The following SERPIND1 variants were observed in gnomAD, a reference collection of about 807,000 sequenced individuals.
The protein encoded by SERPIND1 is heparin cofactor 2.
Under a neutral mutation model 35.0 loss-of-function variants are expected in SERPIND1, and 34 were observed. The observed-to-expected ratio is 0.97, with a 90% CI of 0.74 to 1.29. The LOEUF is 1.29. Among genes scored for constraint, SERPIND1 ranks in the 50% most tolerant of loss-of-function variants. The pLI is 0.00. For synonymous variants in SERPIND1, 236 were observed against 241.1 expected (o/e 0.98, Z 0.19); for missense variants, 633 against 637.7 (o/e 0.99, Z 0.08).
rs966277331 is a variant in SERPIND1 at position 20,784,108 on chromosome 22, C to T, written c.1026C>T (p.Cys342=). ...FLAANDQELD[C]DILQLEYVGG... ...CAGCAAATGACCAGGAGCTGGACTG[C>T]GACATCCTCCAGCTGGAATACGTGG... The change falls in exon 3 of 5, where the codon TGC becomes TGT. Residue 342 remains cysteine (C), a synonymous_variant. Transcript: ENST00000215727. 2.5e-6 allele frequency: 4 copies of T among 1,614,122 alleles called. No individual in the cohort carries two copies. Among genetic ancestry groups the T allele is most frequent in the South Asian group, 1.1e-5 (1 of 91,076 alleles).
rs1934030829 is a variant in SERPIND1 at position 20,784,256 on chromosome 22, CTG to C, written c.1163+17_1163+18del. On this transcript the variant is annotated intron_variant, in intron 3 of 4. Transcript: ENST00000215727. Reference sequence around the variant, plus strand: ...AAGCATGACAAACAGGTATTTCACACTGTGTGTTTGTTCTTTTGAGCTCCCAG... The same window carrying C: ...AAGCATGACAAACAGGTATTTCACACTGTGTTTGTTCTTTTGAGCTCCCAG... 3.1e-6 allele frequency: 5 copies of C among 1,614,044 alleles called. No homozygotes were observed. The highest frequency in any genetic ancestry group is 1.7e-6 in the Non-Finnish European group (2 of 1,179,956).
At chr22:20,775,656 GCTTT>G (rs964052315) in intron 1 of SERPIND1, among the ~76,000 whole-genome samples, 3 of 151,806 alleles carry the variant, frequency 2.0e-5, no homozygotes, top group Admixed American at 1.3e-4. Flanking sequence ...TCTTCTTTTG[GCTTT>G]CTTTTTTAAA....
At chr22:20,785,419 TAA>T (rs1438997223) in intron 3 of SERPIND1, among the ~76,000 whole-genome samples, 2 of 152,140 alleles carry the variant, frequency 1.3e-5, no homozygotes, top group Non-Finnish European at 2.9e-5. Flanking sequence ...ATGAGCTAGG[TAA>T]AAGAGTGAAG....
Position 20,774,903 on chromosome 22 carries a change from G to A in SERPIND1, c.-17+758G>A, listed in dbSNP as rs572083670. On this transcript the variant is annotated intron_variant, in intron 1 of 4. Coordinates refer to ENST00000215727, the MANE Select transcript of SERPIND1 (RefSeq NM_000185.4). ...GTACGTACACACACACACAGATAAT[G>A]ACAGGGCAAAGGTTCCAAAATTTTA... 3.3e-5 allele frequency among the ~76,000 whole-genome samples: 5 copies of A among 152,226 alleles called. No individual in the cohort carries two copies. In the South Asian group the frequency reaches 8.3e-4, roughly 25 times the overall value.
At position 20,786,068 on chromosome 22, in the gene SERPIND1, A is replaced by C; in HGVS notation, c.1228A>C (p.Lys410Gln). 6.2e-7 allele frequency: 1 copy of C among 1,614,136 alleles called. No homozygotes were observed. Among genetic ancestry groups the C allele is most frequent in the South Asian group, 1.1e-5 (1 of 91,078 alleles). ...GAACTACAATCTAGTGGAGTCCCTG[A>C]AGTTGATGGGGATCAGGATGCTGTT... Reference protein sequence around the residue: ...EKNYNLVESLKLMGIRMLFDK... With the variant: ...EKNYNLVESLQLMGIRMLFDK... The change falls in exon 4 of 5, where the codon AAG (lysine) becomes CAG (glutamine). Residue 410 changes from lysine (K) to glutamine (Q), a missense_variant. Transcript: ENST00000215727.
chr22:20,775,117 G>A (rs1933162424), intron 1 of SERPIND1, among the ~76,000 whole-genome samples: 1 of 152,064 alleles, frequency 6.6e-6, no homozygotes, highest in Middle Eastern at 3.4e-3. Context: ...TTTATCAAGT[G>A]TTATGCTCTG....
Position 20,779,884 on chromosome 22 carries a change from G to A in SERPIND1, c.572G>A (p.Ser191Asn). 2 of 1,614,254 alleles carry A rather than the reference G, an allele frequency of 1.2e-6. No homozygotes were observed. The highest frequency in any genetic ancestry group is 1.7e-6 in the Non-Finnish European group (2 of 1,180,048). ...LHFKDFVNAS[S>N]KYEITTIHNL... ...TTTAAAGACTTTGTTAATGCCAGCA[G>A]CAAGTATGAAATCACGACCATTCAT... is the stretch of plus-strand genomic sequence containing the variant. The change falls in exon 2 of 5, where the codon AGC becomes AAC. Residue 191 changes from serine (S) to asparagine (N), a missense_variant. Physicochemically the swap from Ser to Asn is conservative, Grantham distance 46. Coordinates refer to ENST00000215727, the MANE Select transcript of SERPIND1 (RefSeq NM_000185.4).
chr22:20,781,375 A>G (rs2147491185), intron 2 of SERPIND1, among the ~76,000 whole-genome samples: 2 of 152,332 alleles, frequency 1.3e-5, no homozygotes, highest in South Asian at 4.1e-4. Context: ...TTTGCCACCA[A>G]GGACTACCAG....
chr22:20,786,280 T>A lies in SERPIND1; in HGVS notation c.1308+132T>A, dbSNP rs1007124134. On this transcript the variant is annotated intron_variant, in intron 4 of 4. Transcript: ENST00000215727. ...GGGGTGCTGAGTCTGCTCTTCGGCC[T>A]GGGTGGGATACACAGAATGCCTAGT... is the stretch of plus-strand genomic sequence containing the variant. The A allele has an allele frequency of 8.9e-6, 9 of 1,007,492 alleles. No homozygotes were observed. In the African/African-American group the frequency reaches 1.4e-4, roughly 16 times the overall value. The allele number at this position is 1,007,492 out of a possible 1,614,324, so 62.4% of individuals were successfully genotyped here.
intron 1 of SERPIND1, among the ~76,000 whole-genome samples, chr22:20,778,260 G>C (rs1002304670): frequency 2.6e-5 from 4 of 152,072 alleles, no homozygotes; most frequent in African/African-American, 4.8e-5. Context: ...CAGCACTTTG[G>C]GGGGCTGAGG....
chr22:20,784,189 C>G lies in SERPIND1; in HGVS notation c.1107C>G (p.Leu369=), dbSNP rs528589590. 1 of 1,614,136 alleles carries G rather than the reference C, an allele frequency of 6.2e-7. No individual in the cohort carries two copies. The highest frequency in any genetic ancestry group is 1.1e-5 in the South Asian group (1 of 91,088). Residue 369 remains leucine, a synonymous_variant, in exon 3 of 5, where the codon CTC becomes CTG. Coordinates refer to ENST00000215727, the MANE Select transcript of SERPIND1 (RefSeq NM_000185.4). ...VPHKMSGMKT[L]EAQLTPRVVE... ...ACAAGATGTCTGGGATGAAGACCCT[C>G]GAAGCGCAACTGACACCCCGGGTGG...
rs376934872 is a variant in SERPIND1 at position 20,784,150 on chromosome 22, A to G, written c.1068A>G (p.Leu356=). Residue 356 remains leucine, a synonymous_variant, in exon 3 of 5, where the codon CTA becomes CTG. Transcript: ENST00000215727. ...QLEYVGGISM[L]IVVPHKMSGM... is the part of the protein sequence containing the mutation. ...AATACGTGGGGGGCATCAGCATGCT[A>G]ATTGTGGTCCCACACAAGATGTCTG... is the stretch of plus-strand genomic sequence containing the variant. 2 of 1,614,148 alleles carry G rather than the reference A, an allele frequency of 1.2e-6. No individual in the cohort carries two copies. Among genetic ancestry groups the G allele is most frequent in the South Asian group, 1.1e-5 (1 of 91,086 alleles).
intron 1 of SERPIND1, among the ~76,000 whole-genome samples, chr22:20,778,327 C>G (rs1468760567): frequency 1.3e-5 from 2 of 151,970 alleles, no homozygotes; most frequent in South Asian, 2.1e-4. Context: ...AGAGCAAAAC[C>G]CCATCTCTAC....
chr22:20,777,878 AC>A (rs1933428892), intron 1 of SERPIND1, among the ~76,000 whole-genome samples: 2 of 152,200 alleles, frequency 1.3e-5, no homozygotes, highest in South Asian at 4.1e-4. Context: ...AGTCAGAGGA[AC>A]AAATAAAGAC....
chr22:20,776,005 A>G (rs1933241632), intron 1 of SERPIND1, among the ~76,000 whole-genome samples: 1 of 152,134 alleles, frequency 6.6e-6, no homozygotes, highest in African/African-American at 2.4e-5. Context: ...GCCCAGTTCT[A>G]TTTGCAGCTA....
chr22:20,779,832 C>T lies in SERPIND1; in HGVS notation c.520C>T (p.His174Tyr). 1.2e-6 allele frequency: 2 copies of T among 1,614,198 alleles called. No homozygotes were observed. Among genetic ancestry groups the T allele is most frequent in the Non-Finnish European group, 1.7e-6 (2 of 1,180,034 alleles). ...TTCCTTAGGTCTGAAGGGAGAGACC[C>T]ATGAACAAGTGCACTCGATTTTGCA... The part of the protein sequence containing the change: ...MISLGLKGET[H>Y]EQVHSILHFK... Residue 174 changes from histidine (H) to tyrosine (Y), a missense_variant, in exon 2 of 5, where the codon CAT (histidine) becomes TAT (tyrosine). By Grantham distance (83) the His-to-Tyr change is moderately conservative. Coordinates refer to ENST00000215727, the MANE Select transcript of SERPIND1 (RefSeq NM_000185.4).
chr22:20,780,203 T>C lies in SERPIND1; in HGVS notation c.889+2T>C, dbSNP rs781388327. 6.2e-7 allele frequency: 1 copy of C among 1,614,204 alleles called. No homozygotes were observed. Among genetic ancestry groups the C allele is most frequent in the East Asian group, 2.2e-5 (1 of 44,872 alleles). ...TTCTCAACTGCATCTACTTCAAAGG[T>C]AAGAGGCACCTTTACAGTTCTCACA... is the stretch of plus-strand genomic sequence containing the variant. On this transcript the variant is annotated splice_donor_variant, in intron 2 of 4. Transcript: ENST00000215727. LOFTEE classifies it high-confidence loss of function.
At chr22:20,784,369 C>A (rs780926173) in intron 3 of SERPIND1, 124 bp downstream of exon 3, 3 of 1,285,274 alleles carry the variant, frequency 2.3e-6, no homozygotes, top group Non-Finnish European at 3.3e-6. Flanking sequence ...AACTTCCATA[C>A]AGGGCCACTC....
chr22:20,778,227 G>A (rs914147119), intron 1 of SERPIND1, among the ~76,000 whole-genome samples: 4 of 150,512 alleles, frequency 2.7e-5, no homozygotes, highest in Admixed American at 1.3e-4. Flanking sequence ...CAGGTCAGGC[G>A]TGGTGGCTTA....
Sources: gnomAD v4.1 joint callset for allele counts (sites outside exome capture counted in the v4.1 genomes callset) on GRCh38, gnomAD v4.1.1 for gene constraint, MANE v1.5 for transcripts, NCBI Gene and HGNC (gene_info 2026-07-23, HGNC 2026-07-21) for gene names.